DLG2: variants seen among roughly 807,000 people sequenced by gnomAD.
DLG2 encodes discs large MAGUK scaffold protein 2.
Under a neutral mutation model 132.5 loss-of-function variants are expected in DLG2, and 45 were observed. The ratio of observed to expected loss-of-function variants is 0.34; its 90% CI spans 0.27 to 0.44. The LOEUF is 0.44. DLG2 is among the 20% of genes least tolerant of loss of function. The pLI is 1.00. For missense variants in DLG2, 1,045 were observed against 1,196.9 expected, an observed-to-expected ratio of 0.87 and a Z score of 1.87; for synonymous variants, 424 against 419.6, an observed-to-expected ratio of 1.01 and a Z score of -0.13.
At chr11:85,066,119 C>A (rs1245000535) in intron 6 of DLG2, among the ~76,000 whole-genome samples, 3 of 151,494 alleles carry the variant, frequency 2.0e-5, no homozygotes, top group Non-Finnish European at 4.4e-5. Flanking sequence ...AAGGTGACAT[C>A]ACAACTAATA....
At chr11:84,680,716 A>G (rs1385908465) in intron 6 of DLG2, among the ~76,000 whole-genome samples, 1 of 152,200 alleles carries the variant, frequency 6.6e-6, no homozygotes, top group Non-Finnish European at 1.5e-5. Context: ...GCCTCTCCAT[A>G]GAGCAGAAGC....
intron 8 of DLG2, among the ~76,000 whole-genome samples, chr11:84,189,061 A>G (rs35286030): frequency 0.051 from 7,776 of 152,272 alleles, 236 homozygotes; most frequent in Middle Eastern, 0.061. Context: ...GGAAATATTG[A>G]ATACTGCAGG....
chr11:84,772,164 A>T lies in DLG2; in HGVS notation c.358-237433T>A, dbSNP rs79023190. 9.2e-3 allele frequency among the ~76,000 whole-genome samples: 1,404 copies of T among 151,902 alleles called. 68 individuals carry two copies. The highest frequency in any genetic ancestry group is 0.083 in the Admixed American group (1,258 of 15,248). On this transcript the variant is annotated intron_variant, in intron 6 of 27. Coordinates refer to ENST00000376104, the MANE Select transcript of DLG2 (RefSeq NM_001142699.3). ...AACAACAATAAAAACGACAACAAAA[A>T]CCAAAAAAAAAAGAAGGGCATTACG...
chr11:83,912,273 A>G (rs2076210428), intron 15 of DLG2, among the ~76,000 whole-genome samples: 1 of 152,154 alleles, frequency 6.6e-6, no homozygotes, highest in Admixed American at 6.6e-5. Context: ...TATATATAGT[A>G]ATCATCCAAC....
At chr11:83,513,961 G>A (rs535905314) in intron 21 of DLG2, among the ~76,000 whole-genome samples, 96 of 152,216 alleles carry the variant, frequency 6.3e-4, no homozygotes, top group East Asian at 9.6e-4. Flanking sequence ...GTCAGGTAGC[G>A]TGATACCTCC....
At chr11:83,463,124 G>A (rs1179976684) in intron 26 of DLG2, among the ~76,000 whole-genome samples, 1 of 152,164 alleles carries the variant, frequency 6.6e-6, no homozygotes, top group Non-Finnish European at 1.5e-5. Context: ...GGCAAGAAGG[G>A]ATGTGCTTAA....
chr11:84,006,877 CTGTT>C (rs1324402034), intron 11 of DLG2, among the ~76,000 whole-genome samples: 3 of 151,666 alleles, frequency 2.0e-5, no homozygotes, highest in African/African-American at 7.2e-5. Flanking sequence ...CCAACACTGA[CTGTT>C]TGTCATATCT....
rs190455849 is a variant in DLG2 at position 83,536,550 on chromosome 11, T to A, written c.2118-3767A>T. Reference sequence around the variant, plus strand: ...GAGAGTTAAGTCTGGAAAATAGGGGTCTAAATAACGTGGTGTTTTTTTTTT... The same window carrying A: ...GAGAGTTAAGTCTGGAAAATAGGGGACTAAATAACGTGGTGTTTTTTTTTT... On this transcript the variant is annotated intron_variant, in intron 20 of 27. Coordinates refer to ENST00000376104, the MANE Select transcript of DLG2 (RefSeq NM_001142699.3). Among the ~76,000 whole-genome samples, 371 of 145,930 alleles carry A rather than the reference T, an allele frequency of 2.5e-3. 1 individual carries two copies. The highest frequency in any genetic ancestry group is 4.2e-3 in the Non-Finnish European group (283 of 66,812).
chr11:84,128,664 C>G (rs998561765), intron 9 of DLG2, among the ~76,000 whole-genome samples: 1 of 152,022 alleles, frequency 6.6e-6, no homozygotes, highest in African/African-American at 2.4e-5. Context: ...CCCCAACCCC[C>G]CTTAGTTACA....
At chr11:83,877,534 T>C (rs1169909588) in intron 15 of DLG2, among the ~76,000 whole-genome samples, 1 of 152,184 alleles carries the variant, frequency 6.6e-6, no homozygotes, top group Non-Finnish European at 1.5e-5. Context: ...TATTTTGTTA[T>C]TCTACTCTAT....
At chr11:83,708,171 T>TGA (rs1373980238) in intron 18 of DLG2, among the ~76,000 whole-genome samples, 1 of 152,202 alleles carries the variant, frequency 6.6e-6, no homozygotes, top group Non-Finnish European at 1.5e-5. Context: ...GTGTTTAAGT[T>TGA]ATATTTGAAG....
chr11:83,776,191 T>A (rs550558905), intron 18 of DLG2, among the ~76,000 whole-genome samples: 1 of 152,328 alleles, frequency 6.6e-6, no homozygotes, highest in South Asian at 2.1e-4. Context: ...CAATCATGCT[T>A]TCCATGTTTT....
rs551546382 is a variant in DLG2, at chr11:85,057,732, A to T, written c.357+53929T>A. ...AAATTACAGGCCAATCTTTCTCATT[A>T]GCATGAAAGCAAAAAAAAGTAAAAC... On this transcript the variant is annotated intron_variant, in intron 6 of 27. Transcript: ENST00000376104. Among the ~76,000 whole-genome samples the T allele has an allele frequency of 2.6e-5, 4 of 151,674 alleles. No individual in the cohort carries two copies. The South Asian group carries it at 8.3e-4, about 31-fold the overall frequency.
intron 17 of DLG2, among the ~76,000 whole-genome samples, chr11:83,814,320 T>A (rs974069815): frequency 6.6e-6 from 1 of 152,174 alleles, no homozygotes; most frequent in East Asian, 1.9e-4. Flanking sequence ...AGAGGCTAAA[T>A]AAACAGGGCC....
chr11:84,432,587 A>G (rs1353763049), intron 7 of DLG2, among the ~76,000 whole-genome samples: 1 of 152,190 alleles, frequency 6.6e-6, no homozygotes, highest in African/African-American at 2.4e-5. Flanking sequence ...ATATTCTACT[A>G]AGATCACCAG....
At chr11:84,122,295 G>C (rs1244650239) in intron 9 of DLG2, among the ~76,000 whole-genome samples, 1 of 152,118 alleles carries the variant, frequency 6.6e-6, no homozygotes, top group African/African-American at 2.4e-5. Flanking sequence ...ACTCCAGCCT[G>C]GGTGACAGAG....
intron 4 of DLG2, among the ~76,000 whole-genome samples, chr11:85,256,982 A>C (rs1361379522): frequency 6.6e-6 from 1 of 152,266 alleles, no homozygotes; most frequent in Admixed American, 6.5e-5. Context: ...ATAGATTTTT[A>C]AAATGCATGA....
chr11:85,096,828 A>T (rs1289152570), intron 6 of DLG2, among the ~76,000 whole-genome samples: 2 of 152,116 alleles, frequency 1.3e-5, no homozygotes, highest in African/African-American at 4.8e-5. Context: ...GTTAAAAGAG[A>T]TTAGCGTGGC....
intron 6 of DLG2, among the ~76,000 whole-genome samples, chr11:84,819,469 T>C (rs2077444075): frequency 6.6e-6 from 1 of 151,756 alleles, no homozygotes; most frequent in African/African-American, 2.4e-5. Context: ...CTAACATCAC[T>C]CTCTAACACT....
Sources: allele counts gnomAD v4.1 joint callset (sites outside exome capture counted in the v4.1 genomes callset), GRCh38; gene constraint gnomAD v4.1.1; transcripts MANE v1.5; gene names NCBI Gene and HGNC (gene_info 2026-07-23, HGNC 2026-07-21).